The following PTPRS variants were observed in gnomAD, a reference collection of about 807,000 sequenced individuals.
PTPRS encodes the protein receptor-type tyrosine-protein phosphatase S.
In PTPRS, 63 loss-of-function variants were observed where a neutral mutation model predicts 215.3. The observed-to-expected ratio is 0.29, with a 90% CI of 0.24 to 0.36. PTPRS has a LOEUF of 0.36. Among genes scored for constraint, PTPRS ranks in the 10% least tolerant of loss-of-function variants. The probability of loss-of-function intolerance (pLI) is 1.00; values close to 1 mark genes in which losing one functional copy is unlikely to be tolerated. For missense variants in PTPRS, 2,258 were observed against 2,825.8 expected, an observed-to-expected ratio of 0.80 and a Z score of 4.56; for synonymous variants, 1,404 against 1,191.4, an observed-to-expected ratio of 1.18 and a Z score of -3.68.
intron 13 of PTPRS, among the ~76,000 whole-genome samples, chr19:5,232,677 C>G (rs1354778408): frequency 7.0e-6 from 1 of 142,138 alleles, no homozygotes; most frequent in African/African-American, 2.6e-5. Flanking sequence ...GCAACAGAAG[C>G]CCCATTAGGC....
intron 11 of PTPRS, among the ~76,000 whole-genome samples, chr19:5,241,253 T>C (rs553802398): frequency 1.3e-5 from 2 of 152,106 alleles, no homozygotes; most frequent in South Asian, 2.1e-4. Context: ...ACAGAGAAAT[T>C]AGCAGGGAGA....
chr19:5,229,737 C>T (rs1048927423), intron 14 of PTPRS, 53 bp from the exon 15 acceptor site: 5 of 1,120,612 alleles, frequency 4.5e-6, no homozygotes, highest in Admixed American at 4.3e-5. Flanking sequence ...CCAGGGCGCC[C>T]GGCCCTGCCC....
chr19:5,245,722 G>GTA, intron 10 of PTPRS, 54 bp downstream of exon 10: 2 of 1,505,404 alleles, frequency 1.3e-6, no homozygotes, highest in Admixed American at 4.1e-5. Flanking sequence ...GCCTGAAGTC[G>GTA]GGGATCGACT....
intron 1 of PTPRS, among the ~76,000 whole-genome samples, chr19:5,332,371 G>C (rs917049439): frequency 6.6e-6 from 1 of 152,124 alleles, no homozygotes; most frequent in African/African-American, 2.4e-5. Context: ...TAGGTGATCT[G>C]CCTGCCTTGG....
rs560624938 is a variant in PTPRS at position 5,266,784 on chromosome 19, T to C, written c.380-1588A>G. On this transcript the variant is annotated intron_variant, in intron 4 of 37. Transcript: ENST00000262963. The stretch of plus-strand genomic sequence containing the variant: ...GCCCCTGCCACCTTCCCTCCTCTTT[T>C]TCTCTCTGGCCCAGTCACCCTGGCC... Among the ~76,000 whole-genome samples the C allele has an allele frequency of 6.6e-5, 10 of 152,174 alleles. No homozygotes were observed. In the South Asian group the frequency reaches 2.1e-3, roughly 32 times the overall value.
chr19:5,237,948 C>T lies in PTPRS; in HGVS notation c.1849+971G>A, dbSNP rs757945971. Among the ~76,000 whole-genome samples the T allele has an allele frequency of 3.3e-5, 5 of 152,144 alleles. No individual in the cohort carries two copies. The highest frequency in any genetic ancestry group is 7.3e-5 in the Non-Finnish European group (5 of 68,028). ...GTTGATGTTAACCCTTCGACTGATCCGAGATGCCCCTGTGTACACACACCC... is the reference window on the plus strand; with the variant it reads ...GTTGATGTTAACCCTTCGACTGATCTGAGATGCCCCTGTGTACACACACCC... On this transcript the variant is annotated intron_variant, in intron 13 of 37. Coordinates refer to ENST00000262963, the MANE Select transcript of PTPRS (RefSeq NM_002850.4). The surrounding 1 kb of genome is among the most constrained non-coding windows in gnomAD (Gnocchi z 4.2).
chr19:5,292,669 T>C (rs1169216918), intron 1 of PTPRS: 2 of 152,230 alleles, frequency 1.3e-5, no homozygotes, highest in Non-Finnish European at 2.9e-5. Context: ...GGAGGTAAAC[T>C]TCCTGCGATT....
At chr19:5,290,225 T>C (rs1206289832) in intron 1 of PTPRS, among the ~76,000 whole-genome samples, 1 of 152,154 alleles carries the variant, frequency 6.6e-6, no homozygotes, top group East Asian at 1.9e-4. Context: ...AGGCAGGCGC[T>C]TGACTTTTAC....
chr19:5,219,666 T>C (rs1272101794), intron 22 of PTPRS, among the ~76,000 whole-genome samples, 199 bp from the exon 23 acceptor site: 1 of 152,212 alleles, frequency 6.6e-6, no homozygotes, highest in Non-Finnish European at 1.5e-5. Context: ...CCAGCCACTC[T>C]CCTTTCTGTA....
Position 5,229,693 on chromosome 19 carries a change from C to G in PTPRS, c.2156-9G>C. The G allele has an allele frequency of 2.6e-4, 68 of 264,690 alleles. No individual in the cohort carries two copies. Among genetic ancestry groups the G allele is most frequent in the Non-Finnish European group, 4.2e-4 (67 of 160,392 alleles). The allele number at this position is 264,690 out of a possible 1,614,324, so 16.4% of individuals were successfully genotyped here. A position where few individuals can be genotyped will look rare whatever the true frequency, so the allele number is the denominator to read the frequency against. On this transcript the variant is annotated splice_polypyrimidine_tract_variant and intron_variant, in intron 14 of 37. Coordinates refer to ENST00000262963, the MANE Select transcript of PTPRS (RefSeq NM_002850.4). ...CGGCGGCGCGCTGGGCACTGGCGGG[C>G]GGGAGGGGAGGGGAGGGGCGGGCGG...
At chr19:5,325,277 T>C (rs912780849) in intron 1 of PTPRS, among the ~76,000 whole-genome samples, 1 of 152,244 alleles carries the variant, frequency 6.6e-6, no homozygotes, top group African/African-American at 2.4e-5. Context: ...TGGGTCAGCA[T>C]TGAATCATAT....
At chr19:5,336,935 A>G (rs1331685579) in intron 1 of PTPRS, among the ~76,000 whole-genome samples, 2 of 152,132 alleles carry the variant, frequency 1.3e-5, no homozygotes, top group Non-Finnish European at 2.9e-5. Flanking sequence ...AAATTCTAAG[A>G]GGACACCCAC....
chr19:5,215,800 G>C (rs1250163195), intron 26 of PTPRS, among the ~76,000 whole-genome samples: 5 of 152,116 alleles, frequency 3.3e-5, no homozygotes, highest in African/African-American at 1.2e-4. Context: ...TCTAAAGGCA[G>C]CAGGTTTGAG....
intron 37 of PTPRS, among the ~76,000 whole-genome samples, chr19:5,207,239 C>T (rs1387462359): frequency 3.3e-5 from 5 of 152,242 alleles, no homozygotes; most frequent in Non-Finnish European, 5.9e-5. Context: ...CGTGTACCAC[C>T]ATGCCCAGCT....
In PTPRS at chr19:5,339,748, G is replaced by A. The variant is rs969390102; in HGVS notation, c.-95+916C>T. 1.2e-4 allele frequency among the ~76,000 whole-genome samples: 18 copies of A among 151,826 alleles called. No homozygotes were observed. In the South Asian group the frequency reaches 1.2e-3, roughly 11 times the overall value. On this transcript the variant is annotated intron_variant, in intron 1 of 37. Transcript: ENST00000262963. This position sits in a 1 kb window ranked among gnomAD's most constrained non-coding sequence, Gnocchi z 4.2. Reference sequence around the variant, plus strand: ...CCGACGGCCCCGCCCCCGGTATGACGTCACCTCCCCTCCCCCCGCAGCCCC... The same window carrying A: ...CCGACGGCCCCGCCCCCGGTATGACATCACCTCCCCTCCCCCCGCAGCCCC...
At chr19:5,281,087 T>C (rs2047811588) in intron 2 of PTPRS, among the ~76,000 whole-genome samples, 1 of 151,464 alleles carries the variant, frequency 6.6e-6, no homozygotes, top group South Asian at 2.1e-4. Context: ...GCGCCGCGCC[T>C]GGCCCCTCAA....
In PTPRS at chr19:5,212,236, C is replaced by T. The variant is rs1385628370; in HGVS notation, c.4784G>A (p.Arg1595His). Residue 1595 changes from arginine (R) to histidine (H), a missense_variant, in exon 32 of 38, where the codon CGC becomes CAC. By Grantham distance (29) the Arg-to-His change is conservative (BLOSUM62 0). This residue lies in a region of PTPRS where 927 missense variants were observed against 1,125.9 expected (regional missense o/e 0.82). Coordinates refer to ENST00000262963, the MANE Select transcript of PTPRS (RefSeq NM_002850.4). ...IVVHCSAGVG[R>H]TGCFIVIDAM... ...GTCGATGACGATAAAGCAGCCTGTGCGGCCCACACCGGCACTGCAGGGACA... is the reference window on the plus strand; with the variant it reads ...GTCGATGACGATAAAGCAGCCTGTGTGGCCCACACCGGCACTGCAGGGACA... 5 of 1,610,380 alleles carry T rather than the reference C, an allele frequency of 3.1e-6. No homozygotes were observed. The highest frequency in any genetic ancestry group is 1.1e-5 in the South Asian group (1 of 91,034).
At chr19:5,243,225 A>G (rs1038049721) in intron 11 of PTPRS, among the ~76,000 whole-genome samples, 3 of 150,506 alleles carry the variant, frequency 2.0e-5, no homozygotes, top group Non-Finnish European at 3.0e-5. Flanking sequence ...AACTCTGCCC[A>G]GGTTCAAGTG....
chr19:5,337,382 CGCA>C (rs2050539893), intron 1 of PTPRS, among the ~76,000 whole-genome samples: 1 of 152,178 alleles, frequency 6.6e-6, no homozygotes, highest in African/African-American at 2.4e-5. Flanking sequence ...AATGCCACGT[CGCA>C]CCACCAAGTC....
Sources: allele counts gnomAD v4.1 joint callset (sites outside exome capture counted in the v4.1 genomes callset), GRCh38; gene constraint gnomAD v4.1.1; regional missense constraint gnomAD v4.1.1; non-coding constraint Gnocchi (gnomAD v3.1); transcripts MANE v1.5; gene names NCBI Gene and HGNC (gene_info 2026-07-23, HGNC 2026-07-21).